The following GJB7 variants were observed in gnomAD, a reference collection of about 807,000 sequenced individuals.
The protein encoded by GJB7 is gap junction beta-7 protein.
For synonymous variants in GJB7, 87 were observed against 95.2 expected (o/e 0.91, Z 0.50); for missense variants, 253 against 256.8 (o/e 0.99, Z 0.10).
chr6:87,300,104 C>T (rs1274528246), intron 2 of GJB7: 1 of 308,330 alleles, frequency 3.2e-6, no homozygotes, highest in South Asian at 7.5e-5. Flanking sequence ...TGCACTTGAG[C>T]CTTGGATTCA....
At chr6:87,293,294 G>C (rs1582555899) in intron 2 of GJB7, among the ~76,000 whole-genome samples, 1 of 152,142 alleles carries the variant, frequency 6.6e-6, no homozygotes, top group African/African-American at 2.4e-5. Context: ...CTCCCAAAGT[G>C]TTGGGATCAC....
At chr6:87,309,364 G>A (rs1562214478) in intron 2 of GJB7, among the ~76,000 whole-genome samples, 1 of 152,202 alleles carries the variant, frequency 6.6e-6, no homozygotes, top group Admixed American at 6.5e-5. Flanking sequence ...TTGTGCTTTT[G>A]AGTTCCAGCC....
In GJB7 at chr6:87,284,937, ACT is replaced by A. The variant is rs774279023; in HGVS notation, c.-27_-26del. On this transcript the variant is annotated splice_region_variant and 5_prime_UTR_variant, in exon 3 of 3. An upstream open reading frame in the 5' UTR gains an earlier in-frame stop. Transcript: ENST00000525899. ...TGACTTAGGCTCAAAAGAAGGCAAG[ACT>A]CTGCAAAATAAGACAATTTCATCAG... The A allele has an allele frequency of 7.7e-6, 12 of 1,566,994 alleles. No homozygotes were observed. In the African/African-American group the frequency reaches 1.2e-4, roughly 16 times the overall value.
intron 2 of GJB7, among the ~76,000 whole-genome samples, chr6:87,317,433 CTT>C (rs34039728): frequency 1.4e-5 from 2 of 142,920 alleles, no homozygotes. Flanking sequence ...TAATCTTTTC[CTT>C]TTTTTTTTTT....
chr6:87,303,314 A>C (rs1198110214), intron 2 of GJB7, among the ~76,000 whole-genome samples: 1 of 152,214 alleles, frequency 6.6e-6, no homozygotes, highest in Non-Finnish European at 1.5e-5. Flanking sequence ...TACGCTCAAA[A>C]TAAAGGGATG....
chr6:87,315,882 C>G (rs1281244682), intron 2 of GJB7, among the ~76,000 whole-genome samples: 1 of 151,990 alleles, frequency 6.6e-6, no homozygotes, highest in Non-Finnish European at 1.5e-5. Flanking sequence ...TTTGGATGTC[C>G]CATATCTCAC....
At chr6:87,328,957 C>T (rs942750484) in intron 1 of GJB7, among the ~76,000 whole-genome samples, 181 bp downstream of exon 1, 2 of 152,162 alleles carry the variant, frequency 1.3e-5, no homozygotes, top group Admixed American at 6.5e-5. Context: ...TCTCGTGGTG[C>T]GCCATTTTTT....
At chr6:87,300,079 T>C in intron 2 of GJB7, 1 of 324,654 alleles carries the variant, frequency 3.1e-6, no homozygotes, top group South Asian at 7.3e-5. Context: ...GGGAGGGGGT[T>C]GTGCCTTGCT....
At chr6:87,313,104 C>T (rs900176789) in intron 2 of GJB7, among the ~76,000 whole-genome samples, 4 of 152,204 alleles carry the variant, frequency 2.6e-5, no homozygotes, top group African/African-American at 9.6e-5. Flanking sequence ...CACAGCTCTG[C>T]TGTGAATAAA....
chr6:87,324,663 G>T (rs1776770626), intron 1 of GJB7, among the ~76,000 whole-genome samples: 1 of 150,500 alleles, frequency 6.6e-6, no homozygotes, highest in African/African-American at 2.4e-5. Flanking sequence ...TGCTGTTTTG[G>T]TTACTGTAGC....
chr6:87,322,767 TC>T (rs910829146), intron 2 of GJB7, 98 bp downstream of exon 2: 1 of 152,054 alleles, frequency 6.6e-6, no homozygotes, highest in Admixed American at 6.5e-5. Context: ...GAGCGTCCTC[TC>T]GGATAGCCCA....
chr6:87,305,350 G>T (rs890727282), intron 2 of GJB7, among the ~76,000 whole-genome samples: 1 of 152,006 alleles, frequency 6.6e-6, no homozygotes, highest in Non-Finnish European at 1.5e-5. Flanking sequence ...AAATCAATGT[G>T]CAAAAATCAC....
chr6:87,325,429 G>C (rs1221779766), intron 1 of GJB7, among the ~76,000 whole-genome samples: 7 of 147,948 alleles, frequency 4.7e-5, no homozygotes, highest in African/African-American at 1.8e-4. Flanking sequence ...TTATTATTTT[G>C]AGATACGTCC....
At chr6:87,315,704 G>A (rs1171182998) in intron 2 of GJB7, among the ~76,000 whole-genome samples, 1 of 149,394 alleles carries the variant, frequency 6.7e-6, no homozygotes, top group Non-Finnish European at 1.5e-5. Flanking sequence ...GCTGAGGCAT[G>A]AGAATCACTT....
intron 2 of GJB7, among the ~76,000 whole-genome samples, chr6:87,292,291 T>A (rs1339710560): frequency 1.3e-5 from 2 of 152,210 alleles, no homozygotes; most frequent in Non-Finnish European, 2.9e-5. Flanking sequence ...TTTAAATGAT[T>A]TTCCAACATT....
chr6:87,305,729 A>G (rs1038934217), intron 2 of GJB7, among the ~76,000 whole-genome samples: 19 of 152,234 alleles, frequency 1.2e-4, no homozygotes, highest in Non-Finnish European at 1.9e-4. Context: ...GTCAATCCTA[A>G]GCCAAAAGAA....
chr6:87,293,628 A>G (rs1249963678), intron 2 of GJB7, among the ~76,000 whole-genome samples: 1 of 152,052 alleles, frequency 6.6e-6, no homozygotes, highest in Admixed American at 6.6e-5. Flanking sequence ...TTTATCCATG[A>G]CCTTAAAGCA....
intron 1 of GJB7, among the ~76,000 whole-genome samples, chr6:87,327,382 A>AG (rs1776854034): frequency 6.7e-6 from 1 of 149,348 alleles, no homozygotes; most frequent in African/African-American, 2.4e-5. Flanking sequence ...CATTTTGGCA[A>AG]TGGATGGTAC....
chr6:87,309,491 A>G (rs1030872064), intron 2 of GJB7, among the ~76,000 whole-genome samples: 1 of 152,146 alleles, frequency 6.6e-6, no homozygotes, highest in African/African-American at 2.4e-5. Context: ...GCACAGTCCA[A>G]TTCTCTGAAA....
Sources: allele counts gnomAD v4.1 joint callset (sites outside exome capture counted in the v4.1 genomes callset), GRCh38; gene constraint gnomAD v4.1.1; transcripts MANE v1.5; gene names NCBI Gene and HGNC (gene_info 2026-07-23, HGNC 2026-07-21).